ME3: variants seen among roughly 807,000 people sequenced by gnomAD.
ME3 encodes malic enzyme 3.
A neutral mutation model predicts 68.9 loss-of-function variants in ME3; 48 were observed. The observed-to-expected ratio is 0.70, with a 90% CI of 0.55 to 0.89. The LOEUF is 0.89. Ranked by LOEUF, ME3 falls within the 40% of genes least tolerant of loss-of-function variation. ME3 has a pLI of 0.00. For missense variants in ME3, 675 were observed against 797.4 expected, an observed-to-expected ratio of 0.85 and a Z score of 1.85; for synonymous variants, 320 against 318.8, an observed-to-expected ratio of 1.00 and a Z score of -0.04.
At chr11:86,642,501 G>A (rs895150851) in intron 2 of ME3, among the ~76,000 whole-genome samples, 2 of 152,120 alleles carry the variant, frequency 1.3e-5, no homozygotes, top group Admixed American at 6.5e-5. Context: ...GAACAAAGAT[G>A]GTTAAAGATC....
chr11:86,448,295 G>A (rs776614674), intron 10 of ME3, 40 bp from the exon 11 acceptor site: 4 of 1,460,064 alleles, frequency 2.7e-6, no homozygotes, highest in Non-Finnish European at 3.8e-6. Flanking sequence ...GGTCGTGATG[G>A]CCTGTTGGGT....
intron 4 of ME3, among the ~76,000 whole-genome samples, chr11:86,534,117 TG>T (rs1182837783): frequency 6.7e-6 from 1 of 148,964 alleles, no homozygotes; most frequent in African/African-American, 2.5e-5. Flanking sequence ...ATATGTAAAA[TG>T]GTGCACCTGT....
intron 4 of ME3, among the ~76,000 whole-genome samples, chr11:86,517,138 TTGCAA>T (rs1953952203): frequency 6.6e-6 from 1 of 152,184 alleles, no homozygotes; most frequent in South Asian, 2.1e-4. Flanking sequence ...CTGTTCTCTC[TTGCAA>T]GCACAAGGCA....
rs1425798617 is a variant in ME3 at position 86,457,652 on chromosome 11, A to G, written c.920-7254T>C. ...TTTAAAACTGGAAAGGAAGCTACTT[A>G]GCTGTTTCGAGGTAACCACTCTGAG... On this transcript the variant is annotated intron_variant, in intron 8 of 14. Coordinates refer to ENST00000543262, the Ensembl canonical transcript of ME3. The G allele has an allele frequency of 3.1e-6, 4 of 1,283,440 alleles. No homozygotes were observed. The African/African-American group carries it at 6.1e-5, about 20-fold the overall frequency. 79.5% of individuals were successfully genotyped at this position (1,283,440 alleles called of 1,614,324 possible).
intron 4 of ME3, among the ~76,000 whole-genome samples, chr11:86,521,626 A>G (rs588287): frequency 0.16 from 24,537 of 152,038 alleles, 2,061 homozygotes; most frequent in East Asian, 0.26. Context: ...GAGACACAGA[A>G]TTTCATGCTA....
At chr11:86,459,786 G>A (rs567737678) in intron 8 of ME3, among the ~76,000 whole-genome samples, 3 of 152,194 alleles carry the variant, frequency 2.0e-5, no homozygotes, top group Non-Finnish European at 4.4e-5. Context: ...ACTCACAGGG[G>A]GTGCTAATAG....
chr11:86,623,064 G>A (rs113884671), intron 2 of ME3, among the ~76,000 whole-genome samples: 2 of 152,172 alleles, frequency 1.3e-5, no homozygotes, highest in African/African-American at 2.4e-5. Context: ...AGAGAATACC[G>A]AGACAGCAGG....
intron 2 of ME3, among the ~76,000 whole-genome samples, chr11:86,578,143 T>C (rs1176675694): frequency 6.6e-6 from 1 of 152,208 alleles, no homozygotes; most frequent in African/African-American, 2.4e-5. Context: ...ATCACTCTCT[T>C]GGCAAAATTC....
chr11:86,487,959 C>T (rs1951792465), intron 6 of ME3, among the ~76,000 whole-genome samples: 1 of 152,178 alleles, frequency 6.6e-6, no homozygotes, highest in Non-Finnish European at 1.5e-5. Flanking sequence ...GGAAGGTTCT[C>T]TTGAGCCCGG....
intron 4 of ME3, among the ~76,000 whole-genome samples, chr11:86,528,697 G>C (rs1954964316): frequency 6.6e-6 from 1 of 151,790 alleles, no homozygotes; most frequent in African/African-American, 2.4e-5. Context: ...TCAGGATTAA[G>C]AAACTCACTC....
chr11:86,473,038 G>A (rs1249497826), intron 7 of ME3, among the ~76,000 whole-genome samples: 1 of 152,240 alleles, frequency 6.6e-6, no homozygotes, highest in Non-Finnish European at 1.5e-5. Context: ...GGCACTGTGA[G>A]CAGTTGAAGC....
chr11:86,614,675 T>C (rs1298253732), intron 2 of ME3, among the ~76,000 whole-genome samples: 6 of 152,174 alleles, frequency 3.9e-5, no homozygotes, highest in African/African-American at 7.2e-5. Context: ...CCTATGGATT[T>C]TTTTTCATAG....
At chr11:86,461,093 A>G (rs958403626) in intron 8 of ME3, among the ~76,000 whole-genome samples, 1 of 152,182 alleles carries the variant, frequency 6.6e-6, no homozygotes, top group African/African-American at 2.4e-5. Context: ...CAGGGTCTGG[A>G]ATTTCATCCT....
chr11:86,512,977 T>A (rs563064752), intron 4 of ME3, among the ~76,000 whole-genome samples: 1 of 152,176 alleles, frequency 6.6e-6, no homozygotes, highest in Non-Finnish European at 1.5e-5. Context: ...AATCTCCACT[T>A]GAAGAGATGC....
At chr11:86,561,257 C>A (rs1193886352) in intron 2 of ME3, among the ~76,000 whole-genome samples, 1 of 152,122 alleles carries the variant, frequency 6.6e-6, no homozygotes, top group Admixed American at 6.6e-5. Flanking sequence ...TCTGGCACTA[C>A]AAGATGCTCC....
exon 9 of ME3, chr11:86,450,367 C>T (rs1439581812): frequency 6.2e-7 from 1 of 1,613,858 alleles, no homozygotes; most frequent in Non-Finnish European, 8.5e-7. Flanking sequence ...GCAGAGCAGC[C>T]AAGATCCCTG....
At chr11:86,619,132 C>A (rs900176345) in intron 2 of ME3, among the ~76,000 whole-genome samples, 16 of 152,186 alleles carry the variant, frequency 1.1e-4, no homozygotes, top group African/African-American at 3.1e-4. Flanking sequence ...CTCCCTGAGG[C>A]CTCCCCAGAA....
At chr11:86,437,659 G>T (rs956057769), downstream of ME3, among the ~76,000 whole-genome samples, 1 of 151,952 alleles carries the variant, frequency 6.6e-6, no homozygotes, top group Non-Finnish European at 1.5e-5. Context: ...GTAGTTTTTG[G>T]TATACTATAC....
At chr11:86,566,578 A>G (rs1350731471) in intron 2 of ME3, among the ~76,000 whole-genome samples, 1 of 151,740 alleles carries the variant, frequency 6.6e-6, no homozygotes, top group Non-Finnish European at 1.5e-5. Flanking sequence ...ACTTTAATGA[A>G]TATCTAATCT....
Sources: allele counts gnomAD v4.1 joint callset (sites outside exome capture counted in the v4.1 genomes callset), GRCh38; gene constraint gnomAD v4.1.1; transcripts MANE v1.5; gene names NCBI Gene and HGNC (gene_info 2026-07-23, HGNC 2026-07-21).